Variants in NCKAP5 observed in about 807,000 individuals in gnomAD.
NCKAP5 encodes the protein nck-associated protein 5.
A neutral mutation model predicts 167.0 loss-of-function variants in NCKAP5; 92 were observed. The observed-to-expected ratio is 0.55, with a 90% CI of 0.47 to 0.66. The LOEUF is 0.66. Among genes scored for constraint, NCKAP5 ranks in the 30% least tolerant of loss-of-function variants. The pLI, the probability that NCKAP5 is intolerant of heterozygous loss-of-function variation, is 0.00. For synonymous variants in NCKAP5, 891 were observed against 877.4 expected, an observed-to-expected ratio of 1.02 and a Z score of -0.27; for missense variants, 2,378 against 2,315.0, an observed-to-expected ratio of 1.03 and a Z score of -0.56.
At chr2:132,781,025 T>C in intron 15 of NCKAP5, 27 bp downstream of exon 15, 2 of 1,608,126 alleles carry the variant, frequency 1.2e-6, no homozygotes, top group Non-Finnish European at 1.7e-6. Context: ...ATTGTAGCAC[T>C]TGATACCAGG....
intron 1 of NCKAP5, among the ~76,000 whole-genome samples, chr2:133,565,494 C>T (rs1281200310): frequency 6.6e-6 from 1 of 152,148 alleles, no homozygotes; most frequent in Non-Finnish European, 1.5e-5. Flanking sequence ...GTGAATTAAC[C>T]AGGATCATAA....
intron 6 of NCKAP5, among the ~76,000 whole-genome samples, chr2:133,010,083 T>A (rs71347193): frequency 0.12 from 17,582 of 145,744 alleles, 1,224 homozygotes; most frequent in South Asian, 0.28. Context: ...AAAAAAAAAA[T>A]AAATAAATAA....
chr2:133,404,308 T>C (rs928969754), intron 3 of NCKAP5, among the ~76,000 whole-genome samples: 14 of 152,168 alleles, frequency 9.2e-5, no homozygotes, highest in African/African-American at 2.7e-4. Flanking sequence ...AAATAAAACT[T>C]TGTTATAGTA....
intron 6 of NCKAP5, among the ~76,000 whole-genome samples, chr2:133,101,741 A>G (rs2081519845): frequency 6.6e-6 from 1 of 152,246 alleles, no homozygotes; most frequent in African/African-American, 2.4e-5. Flanking sequence ...CAGGCTCTTG[A>G]TATCAAAGTA....
At chr2:133,149,743 A>G (rs2083319650) in intron 5 of NCKAP5, among the ~76,000 whole-genome samples, 1 of 152,148 alleles carries the variant, frequency 6.6e-6, no homozygotes. Context: ...ATTGCCATTC[A>G]ATTCAGAATA....
In NCKAP5 at chr2:133,377,517, A is replaced by AG. The variant is rs1404084462; in HGVS notation, c.70-74408_70-74407insC. Among the ~76,000 whole-genome samples, 5 of 152,208 alleles carry AG rather than the reference A, an allele frequency of 3.3e-5. 1 individual carries two copies. The South Asian group carries it at 8.3e-4, about 25-fold the overall frequency. ...ACCATTCCTCAAACTGGAGAAAAAA[A>AG]TCTAGGAGGAAAAGCCAGGGGAAAG... On this transcript the variant is annotated intron_variant, in intron 3 of 19. Coordinates refer to ENST00000409261, the MANE Select transcript of NCKAP5 (RefSeq NM_207363.3).
chr2:132,962,226 GT>G (rs1407758402), intron 8 of NCKAP5, among the ~76,000 whole-genome samples: 1 of 152,168 alleles, frequency 6.6e-6, no homozygotes. Flanking sequence ...AAAGGAGCAG[GT>G]TTGGTGTGGA....
intron 8 of NCKAP5, among the ~76,000 whole-genome samples, chr2:132,937,440 G>T (rs1216895667): frequency 6.6e-6 from 1 of 152,170 alleles, no homozygotes; most frequent in Non-Finnish European, 1.5e-5. Context: ...ACTTCTTACT[G>T]GGAAAGGAGA....
At chr2:133,601,328 G>A in the NCKAP5 span, among the ~76,000 whole-genome samples, 1 of 152,322 alleles carries the variant, frequency 6.6e-6, no homozygotes, top group African/African-American at 2.4e-5. Context: ...TGAAGGAACA[G>A]GAAGACTCAC....
At chr2:132,736,556 G>A (rs1229636044) in intron 16 of NCKAP5, among the ~76,000 whole-genome samples, 2 of 151,486 alleles carry the variant, frequency 1.3e-5, no homozygotes, top group African/African-American at 2.4e-5. Context: ...CGAGGTGGGC[G>A]AATCAGGATG....
intron 3 of NCKAP5, among the ~76,000 whole-genome samples, chr2:133,453,738 AGAAG>A (rs1030571274): frequency 2.0e-5 from 3 of 152,136 alleles, no homozygotes; most frequent in African/African-American, 7.2e-5. Context: ...AAGAAACAAA[AGAAG>A]GAAGGAAGGA....
rs553636953 is a variant in NCKAP5 at position 133,030,610 on chromosome 2, G to T, written c.342-36371C>A. Among the ~76,000 whole-genome samples the T allele has an allele frequency of 4.2e-3, 638 of 152,234 alleles. 3 individuals carry two copies. Among genetic ancestry groups the T allele is most frequent in the South Asian group, 0.014 (66 of 4,816 alleles). On this transcript the variant is annotated intron_variant, in intron 6 of 19. Transcript: ENST00000409261. ...CTGACTGGTCATTTGGATGAAGCTA[G>T]GTTGACATGTGGAAATCTTAAGACA...
chr2:132,917,797 A>G lies in NCKAP5; in HGVS notation c.580-38881T>C, dbSNP rs778576094. On this transcript the variant is annotated intron_variant, in intron 8 of 19. Coordinates refer to ENST00000409261, the MANE Select transcript of NCKAP5 (RefSeq NM_207363.3). ...TTAATGTGTCTTTGGGCTCCAAACC[A>G]TAAGACTTCTCTCCAATCACTCTGT... Among the ~76,000 whole-genome samples the G allele has an allele frequency of 1.6e-4, 25 of 152,214 alleles. 1 individual carries two copies. In the Middle Eastern group the frequency reaches 0.014, roughly 83 times the overall value.
chr2:133,380,679 G>A (rs1192083166), intron 3 of NCKAP5, among the ~76,000 whole-genome samples: 2 of 152,122 alleles, frequency 1.3e-5, no homozygotes, highest in African/African-American at 4.8e-5. Context: ...TTCTATCTGT[G>A]CTGCCAGGCA....
chr2:133,519,355 G>A (rs1282669234), intron 2 of NCKAP5, among the ~76,000 whole-genome samples: 1 of 152,172 alleles, frequency 6.6e-6, no homozygotes, highest in African/African-American at 2.4e-5. Flanking sequence ...AAAATTCTAG[G>A]CAGTATTTTT....
chr2:133,454,536 A>G (rs1409278895), intron 3 of NCKAP5, among the ~76,000 whole-genome samples: 1 of 152,096 alleles, frequency 6.6e-6, no homozygotes, highest in Non-Finnish European at 1.5e-5. Context: ...ACAGACTTGT[A>G]AACTCAAGGT....
intron 3 of NCKAP5, among the ~76,000 whole-genome samples, chr2:133,392,206 T>A (rs1687457689): frequency 6.6e-6 from 1 of 152,266 alleles, no homozygotes; most frequent in Non-Finnish European, 1.5e-5. Context: ...ATGTACTGTA[T>A]GTTTTTATGT....
intron 3 of NCKAP5, among the ~76,000 whole-genome samples, chr2:133,389,482 C>A (rs1333566601): frequency 6.6e-6 from 1 of 152,146 alleles, no homozygotes; most frequent in Non-Finnish European, 1.5e-5. Flanking sequence ...CTGTTAGCAA[C>A]AGAACAAACC....
chr2:133,339,688 C>A (rs1683447155), intron 3 of NCKAP5, among the ~76,000 whole-genome samples: 1 of 152,170 alleles, frequency 6.6e-6, no homozygotes, highest in African/African-American at 2.4e-5. Flanking sequence ...AGATAGCTGT[C>A]TTTTGACAAG....
Sources: allele counts gnomAD v4.1 joint callset (sites outside exome capture counted in the v4.1 genomes callset), GRCh38; gene constraint gnomAD v4.1.1; transcripts MANE v1.5; gene names NCBI Gene and HGNC (gene_info 2026-07-23, HGNC 2026-07-21).